POM121: variants seen among roughly 807,000 people sequenced by gnomAD.
POM121 encodes the protein POM121 transmembrane nucleoporin, also known as nuclear envelope pore membrane protein POM 121.
POM121 carries 32 observed loss-of-function variants against 81.3 expected under a neutral mutation model. The observed-to-expected ratio is 0.39, with a 90% confidence interval of 0.30 to 0.53. POM121 has a LOEUF of 0.53. POM121 is among the 20% of genes least tolerant of loss of function. The probability of loss-of-function intolerance (pLI) is 0.66; values close to 1 mark genes in which losing one functional copy is unlikely to be tolerated. For missense variants in POM121, 1,138 were observed against 1,614.6 expected (o/e 0.70, Z 5.06); for synonymous variants, 514 against 694.2 (o/e 0.74, Z 4.08).
At chr7:72,932,681 GA>G (rs1796133840) in intron 5 of POM121, among the ~76,000 whole-genome samples, 4 of 152,198 alleles carry the variant, frequency 2.6e-5, no homozygotes. Flanking sequence ...CGTTGTATGA[GA>G]GGGACCATTT....
chr7:72,890,387 T>G (rs1319507260), intron 1 of POM121, among the ~76,000 whole-genome samples: 1 of 152,170 alleles, frequency 6.6e-6, no homozygotes, highest in Non-Finnish European at 1.5e-5. Context: ...ACTCATCTCA[T>G]ATCCCCAAAA....
rs1191013677 is a variant in POM121 at position 72,926,408 on chromosome 7, C to G, written c.791C>G (p.Ser264Cys). The G allele has an allele frequency of 3.1e-6, 5 of 1,613,864 alleles. No individual in the cohort carries two copies. The highest frequency in any genetic ancestry group is 2.7e-5 in the African/African-American group (2 of 74,920). Residue 264 changes from serine to cysteine, a missense_variant, in exon 2 of 13, where the codon TCC (serine) becomes TGC (cysteine). Coordinates refer to ENST00000434423, the MANE Select transcript of POM121 (RefSeq NM_001387691.1). ...AAGGCTGTGCTGTCCCCTCGCAACT[C>G]CAGGATGGTGTGTAGCCCAGTGACT... ...HKKAVLSPRNSRMVCSPVTVR... is the reference protein window; with the variant it reads ...HKKAVLSPRNCRMVCSPVTVR...
intron 5 of POM121, among the ~76,000 whole-genome samples, chr7:72,937,624 T>C (rs576904321): frequency 1.1e-3 from 165 of 152,304 alleles, no homozygotes; most frequent in African/African-American, 3.8e-3. Context: ...TTTGTACTTA[T>C]ATGATGTAGC....
rs782737851 is a variant in POM121 at position 72,943,100 on chromosome 7, C to G, written c.3107C>G (p.Ser1036Trp). The G allele has an allele frequency of 3.7e-6, 6 of 1,613,542 alleles. No individual in the cohort carries two copies. The African/African-American group carries it at 8.0e-5, about 21-fold the overall frequency. The change falls in exon 11 of 13, where the codon TCG becomes TGG. Residue 1036 changes from serine (S) to tryptophan (W), a missense_variant. This residue lies in a region of POM121 where 336 missense variants were observed against 344.3 expected (regional missense o/e 0.98). Coordinates refer to ENST00000434423, the MANE Select transcript of POM121 (RefSeq NM_001387691.1). ...CCTATCTTTGGCGGTGCCACGCACT[C>G]GGCGTTTGGGTTGAAAGCCACGGCT... ...IHPIFGGATHSAFGLKATASA... is the reference protein window; with the variant it reads ...IHPIFGGATHWAFGLKATASA...
intron 2 of POM121, 129 bp from the exon 3 acceptor site, chr7:72,926,673 G>A: frequency 2.7e-6 from 4 of 1,485,790 alleles, no homozygotes; most frequent in Non-Finnish European, 3.6e-6. Flanking sequence ...TTGCTAACGG[G>A]AACTGCTGTG....
At position 72,946,317 on chromosome 7, in the gene POM121, C is replaced by T. The variant is rs748444790; in HGVS notation, c.*83C>T. On this transcript the variant is annotated 3_prime_UTR_variant, in exon 13 of 13. Transcript: ENST00000434423. ...TGCTAGGAAGAGCCTTGGACCCTTC[C>T]AGTTGCGTAAAGCAAACCTACCCCG... 115 of 1,541,730 alleles carry T rather than the reference C, an allele frequency of 7.5e-5. 1 individual carries two copies. Among genetic ancestry groups the T allele is most frequent in the Non-Finnish European group, 9.3e-5 (106 of 1,143,796 alleles).
chr7:72,880,057 C>G (rs1789979978), intron 1 of POM121, among the ~76,000 whole-genome samples: 1 of 152,196 alleles, frequency 6.6e-6, no homozygotes, highest in Non-Finnish European at 1.5e-5. Context: ...ATGGGAAGAT[C>G]TGGGAGGACA....
At chr7:72,929,406 A>T (rs1795796138) in intron 4 of POM121, among the ~76,000 whole-genome samples, 1 of 152,204 alleles carries the variant, frequency 6.6e-6, no homozygotes, top group South Asian at 2.1e-4. Context: ...AACAGGTTGG[A>T]TGACTGTCCT....
At chr7:72,888,849 T>C (rs1232694698) in intron 1 of POM121, among the ~76,000 whole-genome samples, 1 of 152,182 alleles carries the variant, frequency 6.6e-6, no homozygotes, top group Non-Finnish European at 1.5e-5. Context: ...AGTTTCTATT[T>C]TCTTTAGTTT....
At chr7:72,948,418 A>C (rs1554503822), downstream of POM121, 2 of 1,613,274 alleles carry the variant, frequency 1.2e-6, no homozygotes, top group Non-Finnish European at 1.7e-6. Context: ...GTGAGGGCCC[A>C]GGGTCTTCCA....
chr7:72,925,661 ACCGCCGCGCT>A lies in POM121; in HGVS notation c.543_552del (p.Ser184ProfsTer39). On this transcript the variant is annotated frameshift_variant, in exon 1 of 13. Transcript: ENST00000434423. LOFTEE classifies it high-confidence loss of function. Reference sequence around the variant, plus strand: ...CGCGCTCCCCACCGCCGCGCTCCCCACCGCCGCGCTCCCCCCCGCCCTCCCCGCCGACCCA... The same window carrying A: ...CGCGCTCCCCACCGCCGCGCTCCCCACCCCCCCGCCCTCCCCGCCGACCCA... 8.0e-6 allele frequency: 1 copy of A among 125,184 alleles called. No homozygotes were observed. The highest frequency in any genetic ancestry group is 9.7e-6 in the Non-Finnish European group (1 of 102,776). The allele number at this position is 125,184 out of a possible 1,614,324, so 7.8% of individuals were successfully genotyped here. A position where few individuals can be genotyped will look rare whatever the true frequency, so the allele number is the denominator to read the frequency against.
intron 4 of POM121, among the ~76,000 whole-genome samples, chr7:72,914,469 T>C (rs1301148608): frequency 6.6e-6 from 1 of 151,768 alleles, no homozygotes; most frequent in Non-Finnish European, 1.5e-5. Flanking sequence ...TTCTTTATAC[T>C]CATTAAGGAA....
At chr7:72,914,077 G>A (rs1586121519) in intron 4 of POM121, among the ~76,000 whole-genome samples, 1 of 152,240 alleles carries the variant, frequency 6.6e-6, no homozygotes, top group South Asian at 2.1e-4. Flanking sequence ...CTGTAAAAAT[G>A]CCATGCCCTT....
At chr7:72,905,246 C>G (rs1554493242) in intron 3 of POM121, among the ~76,000 whole-genome samples, 1 of 152,130 alleles carries the variant, frequency 6.6e-6, no homozygotes, top group Non-Finnish European at 1.5e-5. Flanking sequence ...AATATGTTTT[C>G]CAGTTTCCCT....
chr7:72,914,728 G>A (rs1333019777), intron 4 of POM121, among the ~76,000 whole-genome samples: 1 of 152,094 alleles, frequency 6.6e-6, no homozygotes, highest in Non-Finnish European at 1.5e-5. Flanking sequence ...AGCAGGTGGT[G>A]GTAGGTGCAC....
At position 72,887,210 on chromosome 7, in the gene POM121, G is replaced by A. The variant is rs1179551523; in HGVS notation, c.-520-3417G>A. On this transcript the variant is annotated intron_variant, in intron 1 of 15. Coordinates refer to the POM121 transcript ENST00000395270. ...ATTGTACTATCTGTAGAAGGTTAGC[G>A]TGGGTCTTTTTTACATCTTGCCTGT... Among the ~76,000 whole-genome samples the A allele has an allele frequency of 2.5e-4, 38 of 152,186 alleles. 1 individual carries two copies. The highest frequency in any genetic ancestry group is 6.8e-3 in the Middle Eastern group (2 of 294).
At chr7:72,932,753 G>A (rs1191059173) in intron 5 of POM121, among the ~76,000 whole-genome samples, 4 of 151,942 alleles carry the variant, frequency 2.6e-5, no homozygotes, top group Admixed American at 2.6e-4. Flanking sequence ...AATTTCACAG[G>A]TTAAAAATAG....
rs1554497042 is a variant in POM121, at chr7:72,925,453, C to T, written c.332C>T (p.Ala111Val). Residue 111 changes from alanine to valine, a missense_variant, in exon 1 of 13, where the codon GCC (alanine) becomes GTC (valine). Coordinates refer to ENST00000434423, the MANE Select transcript of POM121 (RefSeq NM_001387691.1). ...CGAACACTGTTCGCTTCGCCTCTGG[C>T]CAAGTCGACAGCCAACGGAAACCTC... ...HRRTLFASPL[A>V]KSTANGNLLE... 1 of 1,533,810 alleles carries T rather than the reference C, an allele frequency of 6.5e-7. No homozygotes were observed. The highest frequency in any genetic ancestry group is 2.0e-5 in the Admixed American group (1 of 50,998).
chr7:72,903,423 C>G (rs1334424323), intron 3 of POM121, among the ~76,000 whole-genome samples: 1 of 152,084 alleles, frequency 6.6e-6, no homozygotes, highest in African/African-American at 2.4e-5. Flanking sequence ...GACGACAGAG[C>G]GAAGACTCCG....
Sources: allele counts gnomAD v4.1 joint callset (sites outside exome capture counted in the v4.1 genomes callset), GRCh38; gene constraint gnomAD v4.1.1; regional missense constraint gnomAD v4.1.1; transcripts MANE v1.5; gene names NCBI Gene and HGNC (gene_info 2026-07-23, HGNC 2026-07-21).